CDKL5: variants seen among roughly 807,000 people sequenced by gnomAD.
CDKL5 encodes cyclin-dependent kinase-like 5.
A neutral mutation model predicts 61.7 loss-of-function variants in CDKL5; 8 were observed. The ratio of observed to expected loss-of-function variants is 0.13; its 90% confidence interval spans 0.08 to 0.23. The LOEUF (loss-of-function observed/expected upper bound fraction) is 0.23, where lower values mean the gene tolerates loss of function less well. Ranked by LOEUF, CDKL5 falls within the 10% of genes least tolerant of loss-of-function variation. The pLI is 1.00. For synonymous variants in CDKL5, 275 were observed against 272.3 expected (o/e 1.01, Z -0.10); for missense variants, 440 against 734.5 (o/e 0.60, Z 4.63).
At chrX:18,613,108 A>G (rs769706320) in intron 14 of CDKL5, 44 bp from the exon 15 acceptor site, 29 of 1,071,206 alleles carry the variant, frequency 2.7e-5, no homozygotes, top group African/African-American at 1.8e-4. Context: ...AAAAAAAAAA[A>G]AAAAAAGAAA....
Position 18,609,495 on chromosome X carries a change from G to A in CDKL5, c.2077G>A (p.Asp693Asn), listed in dbSNP as rs747196703. The A allele has an allele frequency of 8.3e-7, 1 of 1,211,792 alleles. No individual in the cohort carries two copies. Among genetic ancestry groups the A allele is most frequent in the Non-Finnish European group, 1.1e-6 (1 of 895,536 alleles). Residue 693 changes from aspartate to asparagine, a missense_variant, in exon 14 of 18, where the codon GAT becomes AAT. Asp to Asn is a conservative substitution (Grantham distance 23, BLOSUM62 1). Around this residue, in one of 2 missense-constraint regions of CDKL5, gnomAD observed 363 missense variants for 516.3 expected, o/e 0.70. Transcript: ENST00000623535. The part of the protein sequence containing the change: ...GGVYHDPHSD[D>N]GTAPKENRHL... ...AGTGTATCATGACCCACACTCTGAT[G>A]ATGGCACAGCCCCCAAAGAAAATAG...
chrX:18,488,729 C>T (rs145584816), intron 1 of CDKL5, among the ~76,000 whole-genome samples: 1,542 of 111,557 alleles, frequency 0.014, 15 homozygotes, highest in Middle Eastern at 0.023. Context: ...AGCCGCCCAG[C>T]CAACTGAATG....
chrX:18,594,953 C>T (rs781204228), intron 9 of CDKL5, among the ~76,000 whole-genome samples: 243 of 111,584 alleles, frequency 2.2e-3, no homozygotes, highest in African/African-American at 7.7e-3. Context: ...GAGGCTGAGG[C>T]GGGCAGATCA....
At chrX:18,452,361 G>A (rs1932039038) in intron 1 of CDKL5, among the ~76,000 whole-genome samples, 1 of 111,810 alleles carries the variant, frequency 8.9e-6, no homozygotes, top group African/African-American at 3.3e-5. Flanking sequence ...ACATCTATGA[G>A]CTTATTTCAG....
chrX:18,564,042 CTTGTTAGCAT>C (rs1924883663), intron 3 of CDKL5, among the ~76,000 whole-genome samples: 2 of 111,645 alleles, frequency 1.8e-5, no homozygotes, highest in South Asian at 7.5e-4. Flanking sequence ...ATTAGATATG[CTTGTTAGCAT>C]TCTGCTACCA....
At chrX:18,590,490 T>G (rs1224580451) in intron 9 of CDKL5, among the ~76,000 whole-genome samples, 1 of 112,071 alleles carries the variant, frequency 8.9e-6, no homozygotes, top group East Asian at 2.8e-4. Context: ...CCACCACTGC[T>G]CAAACCTGAG....
chrX:18,504,215 C>A (rs980054808), intron 1 of CDKL5, among the ~76,000 whole-genome samples: 1 of 111,171 alleles, frequency 9.0e-6, no homozygotes, highest in African/African-American at 3.3e-5. Context: ...AAGTGATCCT[C>A]CCGTCTCAGC....
downstream of CDKL5, chrX:18,641,949 C>T (rs1257138913): frequency 8.5e-7 from 1 of 1,176,474 alleles, no homozygotes; most frequent in Non-Finnish European, 1.1e-6. Context: ...AGGGGGTCCC[C>T]TACGGCCCGC....
intron 3 of CDKL5, among the ~76,000 whole-genome samples, chrX:18,525,808 G>A (rs1477423753): frequency 1.9e-5 from 2 of 102,697 alleles, no homozygotes; most frequent in African/African-American, 7.2e-5. Flanking sequence ...GTGCAATGGT[G>A]CGATCTCGGC....
chrX:18,485,013 T>C (rs1921740872), intron 1 of CDKL5, among the ~76,000 whole-genome samples: 1 of 110,944 alleles, frequency 9.0e-6, no homozygotes, highest in Non-Finnish European at 1.9e-5. Context: ...TCATGTAATA[T>C]TATTTTCCAT....
chrX:18,645,612 C>T (rs903740816), intron 19 of CDKL5, among the ~76,000 whole-genome samples: 1 of 111,016 alleles, frequency 9.0e-6, no homozygotes, highest in African/African-American at 3.3e-5. Context: ...CGGTCTCCAC[C>T]GCCACCACTC....
In CDKL5 at chrX:18,504,928, G is replaced by A. The variant is rs1387070696; in HGVS notation, c.-162-2007G>A. On this transcript the variant is annotated intron_variant, in intron 1 of 17. Coordinates refer to ENST00000623535, the MANE Select transcript of CDKL5 (RefSeq NM_001323289.2). ...AGCCTGGGCGACAGAGCGAAACTCC[G>A]TCTCAAAAAAAAAAAAAAAAAGAAA... 6.3e-5 allele frequency among the ~76,000 whole-genome samples: 6 copies of A among 95,769 alleles called. No homozygotes were observed. The East Asian group carries it at 1.3e-3, about 21-fold the overall frequency. 83.2% of individuals were successfully genotyped at this position (95,769 alleles called of 115,157 possible).
chrX:18,506,797 A>G (rs1336041272), intron 1 of CDKL5, 138 bp from the exon 2 acceptor site: 1 of 231,160 alleles, frequency 4.3e-6, no homozygotes, highest in Non-Finnish European at 7.7e-6. Flanking sequence ...CGCTCCTATT[A>G]CTGTTGGTTT....
In CDKL5 at chrX:18,630,289, A is replaced by G; in HGVS notation, c.*1532A>G. 1.3e-6 allele frequency: 1 copy of G among 753,291 alleles called. No homozygotes were observed. The highest frequency in any genetic ancestry group is 1.5e-4 in the East Asian group (1 of 6,639). 62.1% of individuals were successfully genotyped at this position (753,291 alleles called of 1,213,427 possible). On this transcript the variant is annotated 3_prime_UTR_variant, in exon 18 of 18. Transcript: ENST00000623535. ...GTATCATCAAACCCTTTGGCCATCAAGTGTTATCCTCCCATGCCTCTGGGT... is the reference window on the plus strand; with the variant it reads ...GTATCATCAAACCCTTTGGCCATCAGGTGTTATCCTCCCATGCCTCTGGGT...
Position 18,435,232 on chromosome X carries a change from T to A in CDKL5, c.-163+9537T>A, listed in dbSNP as rs552717528. ...CCTCAGACACACACCCCACCAAGGT[T>A]TGTCAGCCGCTTATGGGATATATTA... On this transcript the variant is annotated intron_variant, in intron 1 of 17. Coordinates refer to ENST00000623535, the MANE Select transcript of CDKL5 (RefSeq NM_001323289.2). 4.3e-3 allele frequency among the ~76,000 whole-genome samples: 480 copies of A among 111,393 alleles called. 2 individuals carry two copies. The Middle Eastern group carries it at 0.046, about 11-fold the overall frequency.
intron 10 of CDKL5, among the ~76,000 whole-genome samples, chrX:18,596,992 C>T (rs942007778): frequency 3.6e-5 from 4 of 111,056 alleles, no homozygotes; most frequent in East Asian, 2.8e-4. Context: ...TCAGAAGGTG[C>T]GCAAATTGTA....
intron 1 of CDKL5, among the ~76,000 whole-genome samples, chrX:18,451,143 C>G (rs775848250): frequency 8.1e-5 from 9 of 111,608 alleles, no homozygotes; most frequent in African/African-American, 1.3e-4. Context: ...AATGAATGTT[C>G]TTTTATAAGT....
intron 3 of CDKL5, among the ~76,000 whole-genome samples, chrX:18,526,745 A>G (rs1269802432): frequency 1.8e-5 from 2 of 109,924 alleles, no homozygotes; most frequent in Non-Finnish European, 3.8e-5. Context: ...GTGGTGGTAT[A>G]TTACATGGCT....
At chrX:18,607,578 C>T (rs1358655193) in intron 12 of CDKL5, among the ~76,000 whole-genome samples, 2 of 111,909 alleles carry the variant, frequency 1.8e-5, no homozygotes, top group African/African-American at 6.5e-5. Flanking sequence ...CTGTTACAGA[C>T]TGTGAAGGCC....
Sources: gnomAD v4.1 joint callset for allele counts (sites outside exome capture counted in the v4.1 genomes callset) on GRCh38, gnomAD v4.1.1 for gene constraint, gnomAD v4.1.1 regional missense constraint, MANE v1.5 for transcripts, NCBI Gene and HGNC (gene_info 2026-07-23, HGNC 2026-07-21) for gene names.